The following GAREM2 variants were observed in gnomAD, a reference collection of about 807,000 sequenced individuals.
GAREM2 encodes the protein GRB2-associated and regulator of MAPK protein 2.
GAREM2 carries 30 observed loss-of-function variants against 55.6 expected under a neutral mutation model. That is an observed-to-expected ratio of 0.54 (90% CI 0.40 to 0.73). GAREM2 has a LOEUF of 0.73. GAREM2 is among the 30% of genes least tolerant of loss of function. The probability of loss-of-function intolerance (pLI) is 0.00; values close to 1 mark genes in which losing one functional copy is unlikely to be tolerated. For missense variants in GAREM2, 1,075 were observed against 1,257.7 expected, an observed-to-expected ratio of 0.85 and a Z score of 2.20; for synonymous variants, 550 against 569.1, an observed-to-expected ratio of 0.97 and a Z score of 0.48.
At chr2:26,174,175 G>A (rs1668786973) in intron 1 of GAREM2, among the ~76,000 whole-genome samples, 1 of 152,208 alleles carries the variant, frequency 6.6e-6, no homozygotes, top group Admixed American at 6.5e-5. Flanking sequence ...GGGGCCCGCG[G>A]CCGCAGGCTC....
chr2:26,195,089 T>TA, the GAREM2 span: 1 of 1,612,240 alleles, frequency 6.2e-7, no homozygotes, highest in Non-Finnish European at 8.5e-7. Context: ...TACAGCCCCT[T>TA]ACCTTAACCA....
chr2:26,176,580 G>A (rs1311742952), intron 2 of GAREM2, 96 bp downstream of exon 2: 1 of 1,180,616 alleles, frequency 8.5e-7, no homozygotes, highest in African/African-American at 1.6e-5. Flanking sequence ...GACTAGCGAG[G>A]CGGTGATTAG....
At chr2:26,178,458 C>T (rs1180954198) in intron 2 of GAREM2, among the ~76,000 whole-genome samples, 1 of 152,084 alleles carries the variant, frequency 6.6e-6, no homozygotes, top group Non-Finnish European at 1.5e-5. Context: ...GTGGCGCAGG[C>T]CTGTAGTCTG....
At chr2:26,197,880 C>T in the GAREM2 span, 265 of 752,496 alleles carry the variant, frequency 3.5e-4, 1 homozygote, top group East Asian at 6.5e-3. Context: ...CCACTCTGTC[C>T]CCCACAACTG....
chr2:26,185,226 C>A lies in GAREM2; in HGVS notation c.1378C>A (p.Arg460Ser). 3 of 1,521,540 alleles carry A rather than the reference C, an allele frequency of 2.0e-6. No homozygotes were observed. Among genetic ancestry groups the A allele is most frequent in the Non-Finnish European group, 2.6e-6 (3 of 1,141,430 alleles). 94.3% of individuals were successfully genotyped at this position (1,521,540 alleles called of 1,614,324 possible). Residue 460 changes from arginine to serine, a missense_variant, in exon 4 of 6, where the codon CGT (arginine) becomes AGT (serine). Arg to Ser is a moderately radical substitution (Grantham distance 110, BLOSUM62 -1). This residue lies in a region of GAREM2 where 515 missense variants were observed against 501.5 expected (regional missense o/e 1.03). Transcript: ENST00000401533. Reference sequence around the variant, plus strand: ...CTCCTTCGGGGCCGCGGGACCGCCGCGTCGGGAGCCGGAAGCGCCGCCGCC... The same window carrying A: ...CTCCTTCGGGGCCGCGGGACCGCCGAGTCGGGAGCCGGAAGCGCCGCCGCC... ...LISFGAAGPP[R>S]REPEAPPPPV...
chr2:26,195,132 G>T, the GAREM2 span: 1 of 1,612,326 alleles, frequency 6.2e-7, no homozygotes. Flanking sequence ...GAGACCAACT[G>T]CTACAGCTGA....
At chr2:26,198,354 T>A in the GAREM2 span, among the ~76,000 whole-genome samples, 5 of 146,474 alleles carry the variant, frequency 3.4e-5, no homozygotes, top group Admixed American at 2.8e-4. Context: ...CTGGCCACGA[T>A]CCCAACTTAT....
At chr2:26,177,649 C>CTGTG (rs1246108068) in intron 2 of GAREM2, among the ~76,000 whole-genome samples, 2 of 151,184 alleles carry the variant, frequency 1.3e-5, no homozygotes, top group African/African-American at 4.9e-5. Context: ...AGGCCCAGTT[C>CTGTG]TGTGTGTGTG....
intron 2 of GAREM2, among the ~76,000 whole-genome samples, chr2:26,177,140 A>T (rs1311947818): frequency 1.3e-5 from 2 of 152,196 alleles, no homozygotes; most frequent in Non-Finnish European, 2.9e-5. Context: ...CAGATGATGA[A>T]ACGGAAGGCT....
In GAREM2 at chr2:26,187,685, C is replaced by A. The variant is rs1669328506; in HGVS notation, c.2053C>A (p.Pro685Thr). 2 of 1,501,214 alleles carry A rather than the reference C, an allele frequency of 1.3e-6. No individual in the cohort carries two copies. Among genetic ancestry groups the A allele is most frequent in the South Asian group, 2.6e-5 (2 of 75,898 alleles). 93.0% of individuals were successfully genotyped at this position (1,501,214 alleles called of 1,614,324 possible). ...AGCTGCTCCCCCCTCCTCCTGCGCC[C>A]CCTCCTCCTCCTCTTCTTCTGAATG... ...YSAAPPSSCA[P>T]SSSSSSEWQE... The change falls in exon 6 of 6, where the codon CCC (proline) becomes ACC (threonine). Residue 685 changes from proline to threonine, a missense_variant. By Grantham distance (38) the Pro-to-Thr change is conservative (BLOSUM62 -1). This residue lies in a region of GAREM2 where 515 missense variants were observed against 501.5 expected (regional missense o/e 1.03). Coordinates refer to ENST00000401533, the MANE Select transcript of GAREM2 (RefSeq NM_001168241.2).
rs182139934 is a variant in GAREM2, at chr2:26,178,290, T to G, written c.253+1806T>G. On this transcript the variant is annotated intron_variant, in intron 2 of 5. Coordinates refer to ENST00000401533, the MANE Select transcript of GAREM2 (RefSeq NM_001168241.2). ...TGGGATAAAAAAAGCAAAAGTTGCCTGAGCAGTGGCTCTTATATGTAATCC... is the reference window on the plus strand; with the variant it reads ...TGGGATAAAAAAAGCAAAAGTTGCCGGAGCAGTGGCTCTTATATGTAATCC... Among the ~76,000 whole-genome samples the G allele has an allele frequency of 5.9e-3, 897 of 152,354 alleles. 10 individuals are homozygous for G. The highest frequency in any genetic ancestry group is 0.021 in the African/African-American group (855 of 41,576).
At chr2:26,201,725 G>A in the GAREM2 span, among the ~76,000 whole-genome samples, 2 of 151,910 alleles carry the variant, frequency 1.3e-5, no homozygotes, top group African/African-American at 4.8e-5. Flanking sequence ...GTGTGTCTGA[G>A]ACCACATGGT....
At chr2:26,202,760 T>C in the GAREM2 span, among the ~76,000 whole-genome samples, 1 of 152,078 alleles carries the variant, frequency 6.6e-6, no homozygotes, top group Non-Finnish European at 1.5e-5. Context: ...AAACATCAAA[T>C]AAGGTCTTAA....
At chr2:26,194,226 T>C (rs1560869), downstream of GAREM2, among the ~76,000 whole-genome samples, 125,034 of 152,030 alleles carry the variant, frequency 0.82, 51,780 homozygotes, top group African/African-American at 0.93. Flanking sequence ...CTGTGTGCTG[T>C]GGAAACAGAT....
chr2:26,201,648 T>C, the GAREM2 span, among the ~76,000 whole-genome samples: 125,204 of 152,236 alleles, frequency 0.82, 51,850 homozygotes, highest in African/African-American at 0.93. Flanking sequence ...ATAACATGAA[T>C]ACTAGAATGG....
At chr2:26,191,130 A>G (rs1662108061), downstream of GAREM2, 2 of 1,005,738 alleles carry the variant, frequency 2.0e-6, no homozygotes, top group South Asian at 1.3e-5. Flanking sequence ...TCAGGGAGCA[A>G]ACCCAGTGCC....
downstream of GAREM2, among the ~76,000 whole-genome samples, chr2:26,193,980 G>A (rs954623902): frequency 8.5e-5 from 13 of 152,184 alleles, no homozygotes; most frequent in African/African-American, 3.1e-4. Flanking sequence ...CTAATCTACA[G>A]CACTTTAAGG....
chr2:26,173,310 C>A lies in GAREM2; in HGVS notation c.90C>A (p.Pro30=). The A allele has an allele frequency of 7.0e-7, 1 of 1,422,926 alleles. No individual in the cohort carries two copies. The highest frequency in any genetic ancestry group is 3.0e-5 in the East Asian group (1 of 32,944). The allele number at this position is 1,422,926 out of a possible 1,614,324, so 88.1% of individuals were successfully genotyped here. Residue 30 remains proline, a synonymous_variant, in exon 1 of 6, where the codon CCC becomes CCA. Coordinates refer to ENST00000401533, the MANE Select transcript of GAREM2 (RefSeq NM_001168241.2). The stretch of plus-strand genomic sequence containing the variant: ...TCATCGTCAGCCGCTGCCGCCTGCC[C>A]ACGCTCGCCTGCCTTGGGCCAGGTA... ...LDLIVSRCRL[P]TLACLGPGEY...
downstream of GAREM2, chr2:26,191,741 T>C (rs539850142): frequency 2.8e-6 from 3 of 1,066,270 alleles, no homozygotes; most frequent in Non-Finnish European, 4.4e-6. Context: ...TGTGGGCCGG[T>C]TGGTGCTGGC....
Sources: allele counts gnomAD v4.1 joint callset (sites outside exome capture counted in the v4.1 genomes callset), GRCh38; gene constraint gnomAD v4.1.1; regional missense constraint gnomAD v4.1.1; transcripts MANE v1.5; gene names NCBI Gene and HGNC (gene_info 2026-07-23, HGNC 2026-07-21).